OSBPL10: variants seen among roughly 807,000 people sequenced by gnomAD.
OSBPL10 encodes oxysterol binding protein like 10, also known as oxysterol-binding protein-related protein 10.
OSBPL10 carries 49 observed loss-of-function variants against 81.7 expected under a neutral mutation model. The ratio of observed to expected loss-of-function variants is 0.60; its 90% CI spans 0.48 to 0.76. OSBPL10 has a LOEUF of 0.76. Among genes scored for constraint, OSBPL10 ranks in the 30% least tolerant of loss-of-function variants. The pLI, the probability that OSBPL10 is intolerant of heterozygous loss-of-function variation, is 0.00. For missense variants in OSBPL10, 923 were observed against 987.8 expected, an observed-to-expected ratio of 0.93 and a Z score of 0.88; for synonymous variants, 419 against 383.6, an observed-to-expected ratio of 1.09 and a Z score of -1.08.
chr3:31,737,273 T>C (rs1464185803), intron 5 of OSBPL10, among the ~76,000 whole-genome samples: 1 of 152,128 alleles, frequency 6.6e-6, no homozygotes, highest in Non-Finnish European at 1.5e-5. Context: ...AGCTGTCTCA[T>C]TTGGAGACGA....
At chr3:31,988,448 C>T (rs1432005680) in intron 2 of OSBPL10, among the ~76,000 whole-genome samples, 1 of 152,188 alleles carries the variant, frequency 6.6e-6, no homozygotes, top group Non-Finnish European at 1.5e-5. Flanking sequence ...GATTTCAAAG[C>T]TATGCCTATA....
intron 1 of OSBPL10, among the ~76,000 whole-genome samples, chr3:31,918,322 T>C (rs1462552513): frequency 1.0e-5 from 1 of 98,420 alleles, no homozygotes; most frequent in Admixed American, 1.0e-4. Context: ...GAGTTGTTTT[T>C]TCTTTTCTTT....
chr3:31,880,283 C>T (rs960601645), intron 1 of OSBPL10, among the ~76,000 whole-genome samples: 1 of 152,206 alleles, frequency 6.6e-6, no homozygotes, highest in African/African-American at 2.4e-5. Flanking sequence ...CTGCCAGTGG[C>T]ATGGGTACCA....
chr3:31,946,626 A>C (rs2125436377), intron 1 of OSBPL10, among the ~76,000 whole-genome samples: 1 of 152,326 alleles, frequency 6.6e-6, no homozygotes, highest in Non-Finnish European at 1.5e-5. Flanking sequence ...GAAAAGCACA[A>C]GAGCCCTCAG....
rs1698830855 is a variant in OSBPL10, at chr3:31,981,143, C to G, written c.37G>C (p.Gly13Arg). The part of the protein sequence containing the change: ...RAVQGTDGGG[G>R]SNSSSRSSSR... ...CTGCTGCGGCTGCTGCTGTTGCTAC[C>G]CCCGCCGCCGTCTGTGCCCTGGACT... Residue 13 changes from glycine to arginine, a missense_variant, in exon 1 of 12, where the codon GGT becomes CGT. Coordinates refer to ENST00000396556, the MANE Select transcript of OSBPL10 (RefSeq NM_017784.5). The surrounding 1 kb of genome is among the most constrained non-coding windows in gnomAD (Gnocchi z 4.5). 3.4e-6 allele frequency: 5 copies of G among 1,490,744 alleles called. No homozygotes were observed. The highest frequency in any genetic ancestry group is 4.4e-6 in the Non-Finnish European group (5 of 1,125,342). 92.3% of individuals were successfully genotyped at this position (1,490,744 alleles called of 1,614,324 possible). A position where few individuals can be genotyped will look rare whatever the true frequency, so the allele number is the denominator to read the frequency against.
chr3:31,989,726 TACTC>T (rs1397026961), intron 2 of OSBPL10: 4 of 1,614,000 alleles, frequency 2.5e-6, no homozygotes, highest in Non-Finnish European at 3.4e-6. Context: ...CATTCATCAT[TACTC>T]ACACTAAAAC....
chr3:31,951,962 A>G (rs1465732490), intron 1 of OSBPL10, among the ~76,000 whole-genome samples: 1 of 152,218 alleles, frequency 6.6e-6, no homozygotes, highest in African/African-American at 2.4e-5. Flanking sequence ...CTAAAACTCC[A>G]TTAGTGTGCA....
chr3:31,917,996 A>G (rs929357952), intron 1 of OSBPL10, among the ~76,000 whole-genome samples: 1 of 152,106 alleles, frequency 6.6e-6, no homozygotes, highest in Non-Finnish European at 1.5e-5. Context: ...AATAAGTGAA[A>G]CCATTTTTGA....
chr3:31,802,549 C>CAAAAAA (rs746823677), intron 4 of OSBPL10, among the ~76,000 whole-genome samples: 1 of 95,002 alleles, frequency 1.1e-5, no homozygotes, highest in African/African-American at 4.1e-5. Context: ...GCCTGGGTAT[C>CAAAAAA]AAAAAAAAAA....
chr3:31,789,492 C>T (rs1027645033), intron 4 of OSBPL10, among the ~76,000 whole-genome samples: 1 of 152,172 alleles, frequency 6.6e-6, no homozygotes, highest in Admixed American at 6.5e-5. Flanking sequence ...CTATAGGGTA[C>T]AGGGCAGAGC....
chr3:32,050,423 G>A (rs1699660815), intron 1 of OSBPL10, among the ~76,000 whole-genome samples: 1 of 152,150 alleles, frequency 6.6e-6, no homozygotes, highest in South Asian at 2.1e-4. Flanking sequence ...TCTCCTCCAT[G>A]AACAACTTCT....
chr3:31,972,564 T>C (rs1284760942), intron 1 of OSBPL10, among the ~76,000 whole-genome samples: 2 of 152,010 alleles, frequency 1.3e-5, no homozygotes, highest in Non-Finnish European at 2.9e-5. Context: ...CCTAATCTAC[T>C]CGATTGCCCT....
intron 4 of OSBPL10, among the ~76,000 whole-genome samples, chr3:31,813,061 A>G (rs1203247259): frequency 6.6e-6 from 1 of 152,248 alleles, no homozygotes; most frequent in African/African-American, 2.4e-5. Context: ...AAATATAAGG[A>G]ATCTCTCTGA....
chr3:32,010,736 C>G (rs956264675), intron 2 of OSBPL10, among the ~76,000 whole-genome samples: 8 of 152,206 alleles, frequency 5.3e-5, no homozygotes, highest in Non-Finnish European at 2.9e-5. Context: ...TCAGGTCACT[C>G]CCACCCTAAT....
At chr3:31,924,238 G>C (rs1012179281) in intron 1 of OSBPL10, among the ~76,000 whole-genome samples, 3 of 149,216 alleles carry the variant, frequency 2.0e-5, no homozygotes, top group African/African-American at 7.4e-5. Context: ...AAGAAAGAAA[G>C]AAAAGAAAAA....
chr3:31,958,472 GA>G (rs1478455136), intron 1 of OSBPL10, among the ~76,000 whole-genome samples: 1 of 152,036 alleles, frequency 6.6e-6, no homozygotes, highest in Non-Finnish European at 1.5e-5. Flanking sequence ...CGCACATCAG[GA>G]CTTCACAGAG....
At chr3:31,879,856 A>G (rs1425481117) in intron 1 of OSBPL10, 26 bp from the exon 2 acceptor site, 13 of 1,605,426 alleles carry the variant, frequency 8.1e-6, no homozygotes, top group Admixed American at 1.7e-5. Flanking sequence ...ACAGTACATC[A>G]TTTTTCTCTC....
At chr3:31,820,336 C>T (rs1447706290) in intron 4 of OSBPL10, among the ~76,000 whole-genome samples, 1 of 152,124 alleles carries the variant, frequency 6.6e-6, no homozygotes, top group African/African-American at 2.4e-5. Context: ...GTGGCTCACG[C>T]CTATAATCCC....
intron 2 of OSBPL10, chr3:31,990,075 T>C: frequency 6.2e-7 from 1 of 1,613,978 alleles, no homozygotes; most frequent in Non-Finnish European, 8.5e-7. Flanking sequence ...TTGAAAGACA[T>C]AGGAGAATTC....
Sources: allele counts gnomAD v4.1 joint callset (sites outside exome capture counted in the v4.1 genomes callset), GRCh38; gene constraint gnomAD v4.1.1; non-coding constraint Gnocchi (gnomAD v3.1); transcripts MANE v1.5; gene names NCBI Gene and HGNC (gene_info 2026-07-23, HGNC 2026-07-21).